The following VPS45 variants were observed in gnomAD, a reference collection of about 807,000 sequenced individuals.
The protein encoded by VPS45 is vacuolar protein sorting 45 homolog, also known as vacuolar protein sorting-associated protein 45.
In VPS45, 35 loss-of-function variants were observed where a neutral mutation model predicts 75.9. The ratio of observed to expected loss-of-function variants is 0.46; its 90% CI spans 0.35 to 0.61. VPS45 has a LOEUF of 0.61. VPS45 is among the 20% of genes least tolerant of loss of function. VPS45 has a pLI of 0.00. For missense variants in VPS45, 559 were observed against 685.9 expected (o/e 0.81, Z 2.07); for synonymous variants, 220 against 238.2 (o/e 0.92, Z 0.70).
chr1:150,082,015 A>G lies in VPS45; in HGVS notation c.936+18A>G. On this transcript the variant is annotated intron_variant, in intron 9 of 14. Coordinates refer to ENST00000644510, the MANE Select transcript of VPS45 (RefSeq NM_007259.5). ...ACATGAAGGTAAATTGAACATGTAC[A>G]TGAATGACAAACATGTGACAGTTTG... 1.3e-6 allele frequency: 2 copies of G among 1,487,952 alleles called. No individual in the cohort carries two copies. Among genetic ancestry groups the G allele is most frequent in the Admixed American group, 1.7e-5 (1 of 57,910 alleles). The allele number at this position is 1,487,952 out of a possible 1,614,324, so 92.2% of individuals were successfully genotyped here.
chr1:150,068,704 T>C lies in VPS45; in HGVS notation c.168T>C (p.Asp56=), dbSNP rs782243131. ...QKEVYLFERI[D]SQNREIMKHL... ...AAGTGTACCTCTTTGAACGCATTGA[T>C]TCTCAAAATCGAGAGATCATGAAAC... The change falls in exon 2 of 15, where the codon GAT becomes GAC. Residue 56 remains aspartate (D), a synonymous_variant. Transcript: ENST00000644510. The C allele has an allele frequency of 2.5e-6, 4 of 1,613,486 alleles. No individual in the cohort carries two copies. The highest frequency in any genetic ancestry group is 3.4e-6 in the Non-Finnish European group (4 of 1,179,670).
intron 1 of VPS45, 75 bp downstream of exon 1, chr1:150,068,025 G>A: frequency 3.5e-6 from 5 of 1,411,584 alleles, no homozygotes; most frequent in South Asian, 1.2e-5. Flanking sequence ...TCCACTGTAG[G>A]ACTTAGCATT....
intron 13 of VPS45, chr1:150,099,170 A>G (rs980311418): frequency 2.2e-4 from 138 of 619,350 alleles, no homozygotes; most frequent in Non-Finnish European, 2.6e-4. Context: ...TTGTGTTTCC[A>G]TGTAACTTAA....
intron 2 of VPS45, among the ~76,000 whole-genome samples, chr1:150,069,303 G>T (rs1654896941): frequency 6.6e-6 from 1 of 151,850 alleles, no homozygotes; most frequent in African/African-American, 2.4e-5. Context: ...CTGTTGGAAT[G>T]AGCAATTCTA....
Position 150,145,073 on chromosome 1 carries a change from T to C in VPS45, c.*277T>C. Reference sequence around the variant, plus strand: ...CTGATGAATTTTGTTGGGATCTGACTTGGGGAAAGGGTTATCAGAGCCTAG... The same window carrying C: ...CTGATGAATTTTGTTGGGATCTGACCTGGGGAAAGGGTTATCAGAGCCTAG... On this transcript the variant is annotated 3_prime_UTR_variant, in exon 15 of 15. Transcript: ENST00000644510. 1 of 779,294 alleles carries C rather than the reference T, an allele frequency of 1.3e-6. No individual in the cohort carries two copies. The highest frequency in any genetic ancestry group is 1.9e-5 in the South Asian group (1 of 54,048). 48.3% of individuals were successfully genotyped at this position (779,294 alleles called of 1,614,324 possible).
In VPS45 at chr1:150,074,678, G is replaced by A. The variant is rs750554416; in HGVS notation, c.290-1555G>A. On this transcript the variant is annotated intron_variant, in intron 3 of 14. Transcript: ENST00000644510. ...GATGGGATTACAGGTGTGAGCCACC[G>A]CACCGAACTTTTAAAGACATACAAA... Among the ~76,000 whole-genome samples, 6 of 152,182 alleles carry A rather than the reference G, an allele frequency of 3.9e-5. No homozygotes were observed. In the Middle Eastern group the frequency reaches 0.01, roughly 261 times the overall value.
In VPS45 at chr1:150,077,247, T is replaced by G; in HGVS notation, c.576+16T>G. 1 of 1,600,274 alleles carries G rather than the reference T, an allele frequency of 6.2e-7. No individual in the cohort carries two copies. The highest frequency in any genetic ancestry group is 8.5e-7 in the Non-Finnish European group (1 of 1,176,054). ...GTGCGTTAAGGTATGGCATTACCTA[T>G]TCCTGGTTCCAAAACATAAAGGCCA... On this transcript the variant is annotated intron_variant, in intron 6 of 14. Transcript: ENST00000644510.
intron 14 of VPS45, among the ~76,000 whole-genome samples, chr1:150,133,732 TTC>T (rs1188163339): frequency 6.6e-6 from 1 of 152,188 alleles, no homozygotes; most frequent in African/African-American, 2.4e-5. Context: ...CCTCTTTTTA[TTC>T]TCAGATGATA....
intron 14 of VPS45, among the ~76,000 whole-genome samples, chr1:150,113,596 T>G (rs1435482493): frequency 6.6e-6 from 1 of 152,142 alleles, no homozygotes; most frequent in Non-Finnish European, 1.5e-5. Context: ...AGATATTTTT[T>G]GAATAAAAGA....
intron 13 of VPS45, among the ~76,000 whole-genome samples, chr1:150,099,509 T>TA (rs1220956502): frequency 0.97 from 140,751 of 144,944 alleles, 68,311 homozygotes; most frequent in South Asian, 1. Flanking sequence ...GAGACTCCAT[T>TA]AAAAAAAAAA....
intron 2 of VPS45, among the ~76,000 whole-genome samples, chr1:150,071,834 C>CA (rs1655091679): frequency 6.7e-6 from 1 of 149,848 alleles, no homozygotes; most frequent in Non-Finnish European, 1.5e-5. Flanking sequence ...AATTTATAGA[C>CA]AAGCAGCTTG....
chr1:150,079,664 G>A (rs1322777508), intron 7 of VPS45, among the ~76,000 whole-genome samples: 3 of 152,076 alleles, frequency 2.0e-5, no homozygotes, highest in African/African-American at 7.2e-5. Flanking sequence ...TGCCCGACTC[G>A]GCCTCCCAAA....
chr1:150,085,074 A>G lies in VPS45; in HGVS notation c.1104+2191A>G, dbSNP rs114547006. 7.3e-3 allele frequency among the ~76,000 whole-genome samples: 1,105 copies of G among 152,216 alleles called. 17 individuals are homozygous for G. The highest frequency in any genetic ancestry group is 0.025 in the African/African-American group (1,047 of 41,540). ...TAAATAGTATCCTTTGTAAAGATGT[A>G]TCCTAATCTATTTAACTTGGCCTTT... is the stretch of plus-strand genomic sequence containing the variant. On this transcript the variant is annotated intron_variant, in intron 10 of 14. Coordinates refer to ENST00000644510, the MANE Select transcript of VPS45 (RefSeq NM_007259.5).
At position 150,126,050 on chromosome 1, in the gene VPS45, C is replaced by T. The variant is rs185577637; in HGVS notation, c.1625+15423C>T. Among the ~76,000 whole-genome samples the T allele has an allele frequency of 2.1e-3, 323 of 151,862 alleles. 1 individual carries two copies. The highest frequency in any genetic ancestry group is 0.01 in the Middle Eastern group (3 of 294). On this transcript the variant is annotated intron_variant, in intron 14 of 14. Transcript: ENST00000644510. ...TCTTACGTACTGATAAAACTTGGTC[C>T]CCATCTCGGTGGGGACAAAGGTTTA... is the stretch of plus-strand genomic sequence containing the variant.
intron 14 of VPS45, among the ~76,000 whole-genome samples, chr1:150,131,222 A>G (rs1658815911): frequency 6.6e-6 from 1 of 152,144 alleles, no homozygotes; most frequent in South Asian, 2.1e-4. Flanking sequence ...TAAAAATAAA[A>G]TTTAGGCTGG....
chr1:150,134,056 T>A (rs1229836850), intron 14 of VPS45, among the ~76,000 whole-genome samples: 1 of 152,206 alleles, frequency 6.6e-6, no homozygotes, highest in African/African-American at 2.4e-5. Context: ...AAGGAATAGC[T>A]ACATTTTTGA....
At chr1:150,101,217 G>A (rs1396987481) in intron 13 of VPS45, among the ~76,000 whole-genome samples, 12 of 150,276 alleles carry the variant, frequency 8.0e-5, no homozygotes, top group African/African-American at 2.9e-4. Flanking sequence ...GCTGTGAGCC[G>A]AGATTGTGCC....
intron 7 of VPS45, among the ~76,000 whole-genome samples, chr1:150,079,251 C>T (rs1553798782): frequency 1.3e-5 from 2 of 152,148 alleles, no homozygotes; most frequent in Non-Finnish European, 2.9e-5. Context: ...GTGTCTCTCT[C>T]ATGTCTCATG....
In VPS45 at chr1:150,077,509, T is replaced by G. The variant is rs1655460989; in HGVS notation, c.577-160T>G. 5 of 683,838 alleles carry G rather than the reference T, an allele frequency of 7.3e-6. No homozygotes were observed. In the Admixed American group the frequency reaches 1.5e-4, roughly 20 times the overall value. 42.4% of individuals were successfully genotyped at this position (683,838 alleles called of 1,614,324 possible). On this transcript the variant is annotated intron_variant, in intron 6 of 14. Coordinates refer to ENST00000644510, the MANE Select transcript of VPS45 (RefSeq NM_007259.5). ...TTTCATATCCTAACCTCTTAAATAGTATGCTACTAAACTTTGTGAGACTTT... is the reference window on the plus strand; with the variant it reads ...TTTCATATCCTAACCTCTTAAATAGGATGCTACTAAACTTTGTGAGACTTT...
Sources: gnomAD v4.1 joint callset for allele counts (sites outside exome capture counted in the v4.1 genomes callset) on GRCh38, gnomAD v4.1.1 for gene constraint, MANE v1.5 for transcripts, NCBI Gene and HGNC (gene_info 2026-07-23, HGNC 2026-07-21) for gene names.